SV2C: variants seen among roughly 807,000 people sequenced by gnomAD.
The protein encoded by SV2C is synaptic vesicle glycoprotein 2C.
SV2C carries 49 observed loss-of-function variants against 79.7 expected under a neutral mutation model. The ratio of observed to expected loss-of-function variants is 0.61; its 90% CI spans 0.49 to 0.78. The LOEUF is 0.78. Among genes scored for constraint, SV2C ranks in the 30% least tolerant of loss-of-function variants. The pLI is 0.00. For synonymous variants in SV2C, 334 were observed against 333.2 expected, an observed-to-expected ratio of 1.00 and a Z score of -0.03; for missense variants, 833 against 912.9, an observed-to-expected ratio of 0.91 and a Z score of 1.13.
chr5:76,282,215 CA>C (rs1424257808), intron 4 of SV2C, among the ~76,000 whole-genome samples: 2 of 151,944 alleles, frequency 1.3e-5, no homozygotes, highest in Non-Finnish European at 2.9e-5. Context: ...ATATAATAAG[CA>C]AATGATATAA....
At chr5:75,872,795 A>G in the SV2C span, among the ~76,000 whole-genome samples, 1 of 152,218 alleles carries the variant, frequency 6.6e-6, no homozygotes, top group African/African-American at 2.4e-5. Context: ...GCATTAGGAG[A>G]TATACCTAAT....
chr5:75,884,760 C>T, the SV2C span, among the ~76,000 whole-genome samples: 7 of 151,306 alleles, frequency 4.6e-5, no homozygotes, highest in Admixed American at 2.6e-4. Context: ...CACACTGTAC[C>T]CCATAAGTAT....
the SV2C span, among the ~76,000 whole-genome samples, chr5:75,895,426 T>C: frequency 6.6e-6 from 1 of 152,056 alleles, no homozygotes; most frequent in African/African-American, 2.4e-5. Flanking sequence ...AAGAAAAATA[T>C]GAGAATGAGC....
chr5:76,201,507 C>T (rs1744440321), intron 3 of SV2C, among the ~76,000 whole-genome samples: 1 of 152,148 alleles, frequency 6.6e-6, no homozygotes, highest in South Asian at 2.1e-4. Flanking sequence ...GTAATTTCTT[C>T]CTCTGTGAAT....
intron 4 of SV2C, among the ~76,000 whole-genome samples, chr5:76,231,903 T>G (rs1171415800): frequency 2.1e-5 from 3 of 144,982 alleles, no homozygotes; most frequent in Non-Finnish European, 4.4e-5. Context: ...AACATACGTG[T>G]GCATGTGTCT....
chr5:76,279,198 A>G (rs1455728456), intron 4 of SV2C, among the ~76,000 whole-genome samples: 1 of 152,226 alleles, frequency 6.6e-6, no homozygotes, highest in African/African-American at 2.4e-5. Flanking sequence ...CATTTTAGAC[A>G]TGGTAACTTT....
intron 7 of SV2C, 68 bp from the exon 8 acceptor site, chr5:76,291,700 G>T: frequency 9.5e-7 from 1 of 1,049,904 alleles, no homozygotes; most frequent in African/African-American, 1.6e-5. Context: ...ATAATTTGGT[G>T]GAAGGGGTCG....
chr5:76,199,346 A>G (rs1252432172), intron 3 of SV2C, among the ~76,000 whole-genome samples: 9 of 152,176 alleles, frequency 5.9e-5, no homozygotes, highest in Non-Finnish European at 1.5e-5. Flanking sequence ...CCTCTGGTGC[A>G]CATAGGCCCC....
At chr5:75,976,183 A>G in the SV2C span, among the ~76,000 whole-genome samples, 1 of 152,334 alleles carries the variant, frequency 6.6e-6, no homozygotes, top group East Asian at 1.9e-4. Flanking sequence ...AAAGCACTGT[A>G]TCAATGTCAG....
At chr5:76,067,527 T>A in the SV2C span, among the ~76,000 whole-genome samples, 1 of 152,160 alleles carries the variant, frequency 6.6e-6, no homozygotes, top group East Asian at 1.9e-4. Context: ...TTTTATCTAG[T>A]ATTTAACTGC....
At chr5:75,962,455 A>G in the SV2C span, among the ~76,000 whole-genome samples, 1 of 152,162 alleles carries the variant, frequency 6.6e-6, no homozygotes, top group Non-Finnish European at 1.5e-5. Context: ...GACTTAGAGA[A>G]CTGGAAAAAT....
At chr5:76,242,176 C>G in intron 4 of SV2C, 1 of 1,090,814 alleles carries the variant, frequency 9.2e-7, no homozygotes, top group East Asian at 2.3e-5. Flanking sequence ...GCCTTTTAGG[C>G]GTGGGCTCTG....
chr5:76,327,254 G>T lies in SV2C; in HGVS notation c.*1707G>T, dbSNP rs571820848. The T allele has an allele frequency of 2.0e-5, 3 of 152,164 alleles. No homozygotes were observed. The highest frequency in any genetic ancestry group is 2.0e-4 in the Admixed American group (3 of 15,274). The allele number at this position is 152,164 out of a possible 1,614,324, so 9.4% of individuals were successfully genotyped here. On this transcript the variant is annotated 3_prime_UTR_variant, in exon 13 of 13. Transcript: ENST00000502798. ...CTTGAAGTAATTCAGGTCTGCAGAG[G>T]GGGGAAGACTGGTGTTGGGGGCAGT...
the SV2C span, among the ~76,000 whole-genome samples, chr5:75,973,337 A>T: frequency 4.4e-4 from 56 of 126,538 alleles, 1 homozygote; most frequent in African/African-American, 1.4e-3. Flanking sequence ...ATAATAAAAT[A>T]AAAAAAAATT....
chr5:76,278,797 G>T (rs1384652244), intron 4 of SV2C, among the ~76,000 whole-genome samples: 2 of 152,242 alleles, frequency 1.3e-5, no homozygotes, highest in African/African-American at 4.8e-5. Context: ...AATGTACTCA[G>T]AGCTGTGGGA....
chr5:75,917,322 T>C, the SV2C span, among the ~76,000 whole-genome samples: 1 of 152,356 alleles, frequency 6.6e-6, no homozygotes, highest in Non-Finnish European at 1.5e-5. Flanking sequence ...GTAGCATTTT[T>C]ACCTTCTCTG....
chr5:76,190,576 A>G (rs1744069251), intron 2 of SV2C, among the ~76,000 whole-genome samples: 1 of 152,180 alleles, frequency 6.6e-6, no homozygotes, highest in Non-Finnish European at 1.5e-5. Flanking sequence ...GATTCTTGCT[A>G]AAATTGGGCA....
rs140297177 is a variant in SV2C, at chr5:76,203,201, A to C, written c.762-6535A>C. 5.3e-5 allele frequency among the ~76,000 whole-genome samples: 8 copies of C among 152,300 alleles called. No homozygotes were observed. The East Asian group carries it at 1.4e-3, about 26-fold the overall frequency. On this transcript the variant is annotated intron_variant, in intron 3 of 12. Coordinates refer to ENST00000502798, the MANE Select transcript of SV2C (RefSeq NM_014979.4). ...AAAATTAGCCATATGCACTCTTTAG[A>C]ATTCACTCTCTGGAGCCCACAGCAG...
intron 3 of SV2C, among the ~76,000 whole-genome samples, chr5:76,199,198 C>T (rs1205008842): frequency 6.6e-6 from 1 of 152,124 alleles, no homozygotes; most frequent in Non-Finnish European, 1.5e-5. Context: ...TTAAGATTCT[C>T]ATCCTAGAGA....
Sources: allele counts gnomAD v4.1 joint callset (sites outside exome capture counted in the v4.1 genomes callset), GRCh38; gene constraint gnomAD v4.1.1; transcripts MANE v1.5; gene names NCBI Gene and HGNC (gene_info 2026-07-23, HGNC 2026-07-21).